The following NRXN3 variants were observed in gnomAD, a reference collection of about 807,000 sequenced individuals.
NRXN3 encodes neurexin 3.
A neutral mutation model predicts 137.6 loss-of-function variants in NRXN3; 32 were observed. The ratio of observed to expected loss-of-function variants is 0.23; its 90% CI spans 0.18 to 0.31. The LOEUF (loss-of-function observed/expected upper bound fraction) is 0.31. Among genes scored for constraint, NRXN3 ranks in the 10% least tolerant of loss-of-function variants. NRXN3 has a pLI of 1.00. For missense variants in NRXN3, 1,574 were observed against 2,062.5 expected, an observed-to-expected ratio of 0.76 and a Z score of 4.59; for synonymous variants, 798 against 784.5, an observed-to-expected ratio of 1.02 and a Z score of -0.29.
chr14:78,879,153 T>C (rs947786914), intron 10 of NRXN3, among the ~76,000 whole-genome samples: 6 of 152,246 alleles, frequency 3.9e-5, no homozygotes, highest in Non-Finnish European at 8.8e-5. Context: ...CCAAGGTGAA[T>C]AATGCTGCAG....
intron 16 of NRXN3, among the ~76,000 whole-genome samples, chr14:79,542,263 C>T (rs2097280591): frequency 1.3e-5 from 2 of 152,144 alleles, no homozygotes; most frequent in African/African-American, 2.4e-5. Flanking sequence ...ATGTCACAGG[C>T]TGCTCTTTTG....
intron 4 of NRXN3, among the ~76,000 whole-genome samples, chr14:78,503,841 A>G (rs1441761769): frequency 6.6e-6 from 1 of 152,158 alleles, no homozygotes; most frequent in Non-Finnish European, 1.5e-5. Context: ...CATGATAATC[A>G]GTGGTTCTCC....
chr14:78,574,230 C>T (rs2096915664), intron 4 of NRXN3, among the ~76,000 whole-genome samples: 1 of 152,252 alleles, frequency 6.6e-6, no homozygotes, highest in Non-Finnish European at 1.5e-5. Context: ...TGGCGAACCT[C>T]TGCTAGGGCA....
intron 4 of NRXN3, among the ~76,000 whole-genome samples, chr14:78,534,178 T>C (rs569302566): frequency 6.6e-6 from 1 of 152,326 alleles, no homozygotes; most frequent in South Asian, 2.1e-4. Context: ...TCTTCACCAT[T>C]GGGAGATAAT....
chr14:79,814,839 T>C (rs775738684), intron 20 of NRXN3, among the ~76,000 whole-genome samples: 45 of 152,112 alleles, frequency 3.0e-4, no homozygotes, highest in Non-Finnish European at 6.2e-4. Context: ...TATTACAAAA[T>C]GCATTTATGT....
chr14:79,766,243 A>G (rs2099055569), intron 19 of NRXN3, among the ~76,000 whole-genome samples: 1 of 152,058 alleles, frequency 6.6e-6, no homozygotes, highest in Admixed American at 6.6e-5. Flanking sequence ...CCATTATGTG[A>G]TATGATTTGC....
At chr14:79,541,546 GAGACA>G (rs1430919835) in intron 16 of NRXN3, among the ~76,000 whole-genome samples, 1 of 152,018 alleles carries the variant, frequency 6.6e-6, no homozygotes, top group African/African-American at 2.4e-5. Flanking sequence ...ATCTTTTGGG[GAGACA>G]CTATTTAACC....
At chr14:79,726,485 A>G (rs2098890449) in intron 19 of NRXN3, among the ~76,000 whole-genome samples, 1 of 152,146 alleles carries the variant, frequency 6.6e-6, no homozygotes, top group Admixed American at 6.6e-5. Flanking sequence ...TAAATCCCCC[A>G]GAAGAACTAC....
chr14:79,338,995 A>G (rs1449312566), intron 15 of NRXN3, among the ~76,000 whole-genome samples: 1 of 152,182 alleles, frequency 6.6e-6, no homozygotes, highest in Non-Finnish European at 1.5e-5. Flanking sequence ...CTGTAGGGCG[A>G]CCCATTTGGA....
At position 78,590,440 on chromosome 14, in the gene NRXN3, C is replaced by T. The variant is rs116683094; in HGVS notation, c.758-54680C>T. ...TCCAGGGAATACTTTCAAAAAGCAT[C>T]TTGGACATAAAAACTTTTTTTTTTC... On this transcript the variant is annotated intron_variant, in intron 4 of 20. Coordinates refer to ENST00000335750, the MANE Select transcript of NRXN3 (RefSeq NM_001330195.2). 3.3e-3 allele frequency among the ~76,000 whole-genome samples: 498 copies of T among 152,184 alleles called. 4 individuals carry two copies. The highest frequency in any genetic ancestry group is 0.011 in the African/African-American group (460 of 41,512).
At chr14:79,539,181 A>G (rs1227509854) in intron 16 of NRXN3, among the ~76,000 whole-genome samples, 3 of 151,036 alleles carry the variant, frequency 2.0e-5, no homozygotes, top group Admixed American at 6.6e-5. Flanking sequence ...GGCATGCACC[A>G]CCACACCTGG....
chr14:79,032,361 A>G (rs1017427145), intron 15 of NRXN3, among the ~76,000 whole-genome samples: 5 of 152,180 alleles, frequency 3.3e-5, no homozygotes, highest in African/African-American at 1.2e-4. Flanking sequence ...AATAATACTA[A>G]GGCAAGATCT....
intron 10 of NRXN3, among the ~76,000 whole-genome samples, chr14:78,836,019 G>A (rs2098995769): frequency 6.6e-6 from 1 of 152,136 alleles, no homozygotes; most frequent in African/African-American, 2.4e-5. Flanking sequence ...GGGGCACTGT[G>A]GGGGTGCCCT....
At chr14:79,133,845 C>T (rs867640329) in intron 15 of NRXN3, among the ~76,000 whole-genome samples, 12 of 150,378 alleles carry the variant, frequency 8.0e-5, no homozygotes, top group Admixed American at 2.7e-4. Context: ...AGGAGAATGG[C>T]GTGAACCCAG....
intron 16 of NRXN3, among the ~76,000 whole-genome samples, chr14:79,619,344 C>G (rs912384598): frequency 1.3e-5 from 2 of 152,032 alleles, no homozygotes; most frequent in African/African-American, 4.8e-5. Context: ...TTAGGTCTCA[C>G]ATTTAAGTTT....
At chr14:78,764,185 A>G (rs1048542395) in intron 8 of NRXN3, among the ~76,000 whole-genome samples, 1 of 152,212 alleles carries the variant, frequency 6.6e-6, no homozygotes, top group African/African-American at 2.4e-5. Flanking sequence ...ACAATTTACA[A>G]ACTAGTTAAG....
At chr14:79,006,798 T>C (rs1432910594) in intron 15 of NRXN3, among the ~76,000 whole-genome samples, 5 of 152,134 alleles carry the variant, frequency 3.3e-5, no homozygotes, top group African/African-American at 1.2e-4. Flanking sequence ...TTTAATAAAC[T>C]TGGTTGTGTG....
intron 19 of NRXN3, among the ~76,000 whole-genome samples, chr14:79,709,488 G>A (rs1329499791): frequency 6.6e-6 from 1 of 152,060 alleles, no homozygotes; most frequent in East Asian, 1.9e-4. Context: ...AAAAAACATA[G>A]GTAAAATTTA....
intron 1 of NRXN3, among the ~76,000 whole-genome samples, chr14:78,238,239 A>G (rs2066597911): frequency 6.7e-6 from 1 of 149,100 alleles, no homozygotes; most frequent in Admixed American, 6.8e-5. Flanking sequence ...TTCGATAATT[A>G]TGTAAATTAG....
Sources: allele counts gnomAD v4.1 joint callset (sites outside exome capture counted in the v4.1 genomes callset), GRCh38; gene constraint gnomAD v4.1.1; transcripts MANE v1.5; gene names NCBI Gene and HGNC (gene_info 2026-07-23, HGNC 2026-07-21).